Variants in CPNE4 observed in about 807,000 individuals in gnomAD.
CPNE4 encodes copine-4.
In CPNE4, 25 loss-of-function variants were observed where a neutral mutation model predicts 67.9. That is an observed-to-expected ratio of 0.37 (90% CI 0.27 to 0.51). The LOEUF (loss-of-function observed/expected upper bound fraction) is 0.51, where lower values mean the gene tolerates loss of function less well. Ranked by LOEUF, CPNE4 falls within the 20% of genes least tolerant of loss-of-function variation. CPNE4 has a pLI of 0.93. For missense variants in CPNE4, 464 were observed against 690.8 expected (o/e 0.67, Z 3.68); for synonymous variants, 242 against 244.9 (o/e 0.99, Z 0.11).
chr3:131,962,015 T>C (rs1270950166), intron 1 of CPNE4, among the ~76,000 whole-genome samples: 1 of 152,216 alleles, frequency 6.6e-6, no homozygotes, highest in Non-Finnish European at 1.5e-5. Context: ...TGCATTCACC[T>C]AGCCAACATT....
intron 7 of CPNE4, among the ~76,000 whole-genome samples, chr3:131,655,879 A>C (rs1403826790): frequency 6.6e-6 from 1 of 152,182 alleles, no homozygotes; most frequent in Non-Finnish European, 1.5e-5. Flanking sequence ...CTATTCTAGG[A>C]ACTGTTCAAA....
chr3:131,880,769 G>A (rs868671416), intron 2 of CPNE4, among the ~76,000 whole-genome samples: 2 of 152,280 alleles, frequency 1.3e-5, no homozygotes, highest in South Asian at 4.1e-4. Context: ...ATAAACTTAT[G>A]GAATGCATGT....
rs767282824 is a variant in CPNE4 at position 132,005,314 on chromosome 3, CATAT to C, written c.-2+29249_-2+29252del. ...CAAAACAATGAATGTGCCATTTTTACATATATATATATATATATATATATATATA... is the reference window on the plus strand; with the variant it reads ...CAAAACAATGAATGTGCCATTTTTACATATATATATATATATATATATATA... On this transcript the variant is annotated intron_variant, in intron 1 of 15. Transcript: ENST00000429747. Among the ~76,000 whole-genome samples the C allele has an allele frequency of 8.0e-3, 650 of 81,726 alleles. 15 individuals carry two copies. Among genetic ancestry groups the C allele is most frequent in the Middle Eastern group, 0.039 (6 of 152 alleles). 53.6% of individuals were successfully genotyped at this position (81,726 alleles called of 152,430 possible). A position where few individuals can be genotyped will look rare whatever the true frequency, so the allele number is the denominator to read the frequency against.
intron 2 of CPNE4, among the ~76,000 whole-genome samples, chr3:131,724,124 C>A (rs2107747822): frequency 6.6e-6 from 1 of 152,188 alleles, no homozygotes; most frequent in Admixed American, 6.5e-5. Context: ...GTCTGGTGGG[C>A]ACAGTAATGG....
At chr3:131,655,648 G>A (rs776120168) in intron 7 of CPNE4, among the ~76,000 whole-genome samples, 25 of 152,200 alleles carry the variant, frequency 1.6e-4, no homozygotes, top group Admixed American at 7.8e-4. Context: ...TGAAACCGAC[G>A]TCGGGGGGCA....
chr3:131,977,100 A>G (rs1020491453), intron 1 of CPNE4, among the ~76,000 whole-genome samples: 13 of 152,222 alleles, frequency 8.5e-5, no homozygotes, highest in South Asian at 4.1e-4. Context: ...GAGCCCAGCC[A>G]CATTATCATT....
chr3:131,989,450 T>A, intron 1 of CPNE4, among the ~76,000 whole-genome samples: 1 of 85,734 alleles, frequency 1.2e-5, no homozygotes, highest in Admixed American at 1.8e-4. Flanking sequence ...AATACATGTA[T>A]TAAAAATTTC....
At chr3:131,753,312 C>T (rs1298027619) in intron 2 of CPNE4, among the ~76,000 whole-genome samples, 1 of 151,538 alleles carries the variant, frequency 6.6e-6, no homozygotes, top group Non-Finnish European at 1.5e-5. Context: ...AAAAGTAAAA[C>T]AATAAAAAAA....
chr3:131,802,580 C>G (rs11925853), intron 2 of CPNE4, among the ~76,000 whole-genome samples: 134 of 152,090 alleles, frequency 8.8e-4, no homozygotes, highest in African/African-American at 3.0e-3. Flanking sequence ...CAGGACAGCA[C>G]GGACAGACAC....
intron 3 of CPNE4, among the ~76,000 whole-genome samples, chr3:131,707,805 C>A (rs906801235): frequency 2.0e-5 from 3 of 152,116 alleles, no homozygotes; most frequent in Admixed American, 6.5e-5. Flanking sequence ...GCCACTGAAC[C>A]AGCCCCCTAG....
Position 131,764,606 on chromosome 3 carries a change from T to C in CPNE4, c.181-40981A>G, listed in dbSNP as rs553086554. On this transcript the variant is annotated intron_variant, in intron 2 of 15. Transcript: ENST00000429747. ...AGCAGTATACATTGTTACACTCCTC[T>C]ATAGAAAGTAATGTGGCAGTGTAAA... is the stretch of plus-strand genomic sequence containing the variant. Among the ~76,000 whole-genome samples the C allele has an allele frequency of 1.4e-4, 22 of 152,232 alleles. No individual in the cohort carries two copies. The South Asian group carries it at 4.6e-3, about 32-fold the overall frequency.
At chr3:131,895,164 G>A (rs941626703) in intron 2 of CPNE4, among the ~76,000 whole-genome samples, 6 of 151,874 alleles carry the variant, frequency 4.0e-5, no homozygotes, top group Non-Finnish European at 7.4e-5. Context: ...TAAGAAAGTT[G>A]GTATCATAGA....
In CPNE4 at chr3:131,875,437, T is replaced by C. The variant is rs576822413; in HGVS notation, c.180+29827A>G. The stretch of plus-strand genomic sequence containing the variant: ...CAAAGACTTGGAACCAACCCAAATG[T>C]CCAACAATGATAGACTGGATTAAGA... On this transcript the variant is annotated intron_variant, in intron 2 of 15. Transcript: ENST00000429747. Among the ~76,000 whole-genome samples, 17 of 152,152 alleles carry C rather than the reference T, an allele frequency of 1.1e-4. No homozygotes were observed. The East Asian group carries it at 3.1e-3, about 28-fold the overall frequency.
chr3:131,542,524 C>G, intron 15 of CPNE4, 33 bp downstream of exon 15: 1 of 1,455,252 alleles, frequency 6.9e-7, no homozygotes. Flanking sequence ...TTCTGCTCTT[C>G]CATGAAAAGT....
intron 2 of CPNE4, among the ~76,000 whole-genome samples, chr3:131,815,040 G>A (rs1005865853): frequency 2.6e-5 from 4 of 152,150 alleles, no homozygotes; most frequent in African/African-American, 9.7e-5. Context: ...GGTGGATAAC[G>A]GAAGACTGGA....
At chr3:131,865,805 G>A (rs1314208468) in intron 2 of CPNE4, among the ~76,000 whole-genome samples, 1 of 152,176 alleles carries the variant, frequency 6.6e-6, no homozygotes, top group African/African-American at 2.4e-5. Context: ...ATTTATTAAG[G>A]TGTGCCTTTG....
chr3:131,886,298 G>A (rs1038673565), intron 2 of CPNE4, among the ~76,000 whole-genome samples: 17 of 152,182 alleles, frequency 1.1e-4, no homozygotes, highest in African/African-American at 3.6e-4. Context: ...CTTCCACGTG[G>A]TGTTGAGCCT....
intron 2 of CPNE4, among the ~76,000 whole-genome samples, chr3:131,843,127 C>T (rs2107623989): frequency 6.6e-6 from 1 of 152,260 alleles, no homozygotes; most frequent in Middle Eastern, 3.4e-3. Context: ...TGAGCAAATG[C>T]TAAATGACAA....
At chr3:132,014,092 C>T (rs1449282728) in intron 1 of CPNE4, among the ~76,000 whole-genome samples, 1 of 152,140 alleles carries the variant, frequency 6.6e-6, no homozygotes, top group Admixed American at 6.5e-5. Flanking sequence ...AGAATGTTAC[C>T]CTTTCTTGAG....
Sources: gnomAD v4.1 joint callset for allele counts (sites outside exome capture counted in the v4.1 genomes callset) on GRCh38, gnomAD v4.1.1 for gene constraint, MANE v1.5 for transcripts, NCBI Gene and HGNC (gene_info 2026-07-23, HGNC 2026-07-21) for gene names.